Variants in MTOR observed in about 807,000 individuals in gnomAD.
The protein encoded by MTOR is mechanistic target of rapamycin kinase.
Under a neutral mutation model 319.8 loss-of-function variants are expected in MTOR, and 70 were observed. The ratio of observed to expected loss-of-function variants is 0.22; its 90% CI spans 0.18 to 0.27. The LOEUF (loss-of-function observed/expected upper bound fraction) is 0.27. Among genes scored for constraint, MTOR ranks in the 10% least tolerant of loss-of-function variants. The pLI, the probability that MTOR is intolerant of heterozygous loss-of-function variation, is 1.00. For synonymous variants in MTOR, 1,183 were observed against 1,211.4 expected (o/e 0.98, Z 0.49); for missense variants, 1,890 against 3,274.4 (o/e 0.58, Z 10.32).
chr1:11,148,619 G>A (rs1050827951), intron 31 of MTOR, among the ~76,000 whole-genome samples: 6 of 152,062 alleles, frequency 3.9e-5, no homozygotes, highest in Admixed American at 1.3e-4. Context: ...AAAAAAATTA[G>A]GGCCAGGCGC....
At chr1:11,228,983 G>A (rs2100857942) in intron 18 of MTOR, 65 bp from the exon 19 acceptor site, 1 of 1,579,950 alleles carries the variant, frequency 6.3e-7, no homozygotes, top group Non-Finnish European at 8.6e-7. Context: ...GGCAGAGCAT[G>A]GTTAGTAACA....
intron 5 of MTOR, 92 bp downstream of exon 5, chr1:11,255,900 T>C: frequency 8.7e-7 from 1 of 1,154,474 alleles, no homozygotes; most frequent in South Asian, 1.6e-5. Flanking sequence ...TGATTCTTGC[T>C]CCATGGCAAG....
At chr1:11,259,535 A>T in intron 1 of MTOR, 112 bp from the exon 2 acceptor site, 1 of 1,156,942 alleles carries the variant, frequency 8.6e-7, no homozygotes, top group Non-Finnish European at 1.2e-6. Flanking sequence ...CAGGCAGGGG[A>T]TTCTAAAAAG....
chr1:11,193,476 C>T (rs1450993668), intron 28 of MTOR: 19 of 1,022,270 alleles, frequency 1.9e-5, no homozygotes, highest in Non-Finnish European at 2.5e-5. Flanking sequence ...GGAGTGCACA[C>T]ATCTACTGGC....
chr1:11,207,997 T>G (rs1366412832), intron 25 of MTOR, among the ~76,000 whole-genome samples: 1 of 152,142 alleles, frequency 6.6e-6, no homozygotes, highest in Non-Finnish European at 1.5e-5. Context: ...CTGAGGAATT[T>G]CCTAAAATAG....
In MTOR at chr1:11,257,148, C is replaced by T. The variant is rs1650502695; in HGVS notation, c.289G>A (p.Glu97Lys). Reference protein sequence around the residue: ...ILAIASLIGVEGGNATRIGRF... With the variant: ...ILAIASLIGVKGGNATRIGRF... ...CCAATTCGGGTGGCATTCCCACCTT[C>T]CACTCCTATGAGGCTAGCTGCAAAA... The change falls in exon 4 of 58, where the codon GAA becomes AAA. Residue 97 changes from glutamate to lysine, a missense_variant. Glu to Lys is a moderately conservative substitution (Grantham distance 56). Transcript: ENST00000361445. The T allele has an allele frequency of 1.2e-6, 2 of 1,613,120 alleles. No individual in the cohort carries two copies. The highest frequency in any genetic ancestry group is 1.7e-6 in the Non-Finnish European group (2 of 1,179,586).
intron 18 of MTOR, 56 bp from the exon 19 acceptor site, chr1:11,228,974 G>C (rs2100857818): frequency 6.3e-7 from 1 of 1,594,438 alleles, no homozygotes; most frequent in African/African-American, 1.3e-5. Flanking sequence ...GTGACTTCAG[G>C]CAGAGCATGG....
chr1:11,196,436 C>T (rs1417559397), intron 28 of MTOR, among the ~76,000 whole-genome samples: 2 of 152,172 alleles, frequency 1.3e-5, no homozygotes, highest in Non-Finnish European at 2.9e-5. Context: ...TTTGGGATTA[C>T]ATCTCGGATT....
intron 17 of MTOR, 69 bp downstream of exon 17, chr1:11,231,231 C>CT: frequency 6.2e-7 from 1 of 1,602,564 alleles, no homozygotes; most frequent in East Asian, 2.2e-5. Context: ...CATGTTAATG[C>CT]TGCAACCATC....
At chr1:11,259,096 G>C in intron 2 of MTOR, 152 bp downstream of exon 2, 3 of 931,692 alleles carry the variant, frequency 3.2e-6, no homozygotes, top group Non-Finnish European at 4.7e-6. Context: ...AAAAGAACCT[G>C]CATGTTTTAT....
intron 53 of MTOR, among the ~76,000 whole-genome samples, chr1:11,114,033 T>C (rs565795255): frequency 8.5e-5 from 13 of 152,154 alleles, no homozygotes; most frequent in Non-Finnish European, 1.0e-4. Flanking sequence ...CCTCCCACCA[T>C]GATTGTAAGT....
In MTOR at chr1:11,232,564, G is replaced by T. The variant is rs753413289; in HGVS notation, c.2422-36C>A. ...AAAAAGAGGGTGGCAGAAAGGGTTA[G>T]AAATTCTGGCATTAGAAAGTATTTT... On this transcript the variant is annotated intron_variant, in intron 15 of 57. Transcript: ENST00000361445. 4.4e-6 allele frequency: 7 copies of T among 1,573,334 alleles called. No individual in the cohort carries two copies. In the East Asian group the frequency reaches 1.3e-4, roughly 30 times the overall value.
At chr1:11,157,420 G>A (rs1644352866) in intron 29 of MTOR, 129 bp from the exon 30 acceptor site, 13 of 1,200,106 alleles carry the variant, frequency 1.1e-5, no homozygotes, top group Non-Finnish European at 1.3e-5. Flanking sequence ...TTACGTCTGG[G>A]CTTGGATTAA....
intron 19 of MTOR, among the ~76,000 whole-genome samples, chr1:11,223,483 T>C (rs1030398608): frequency 6.6e-6 from 1 of 152,110 alleles, no homozygotes; most frequent in Non-Finnish European, 1.5e-5. Context: ...GGAAAGGCGA[T>C]GGAGGTAAGA....
intron 53 of MTOR, among the ~76,000 whole-genome samples, chr1:11,113,688 A>ACTGTGC (rs986938989): frequency 6.6e-6 from 1 of 152,002 alleles, no homozygotes; most frequent in African/African-American, 2.4e-5. Flanking sequence ...ATCATAGCTC[A>ACTGTGC]CTGTGCCTCA....
chr1:11,192,209 C>A, intron 28 of MTOR: 1 of 1,249,464 alleles, frequency 8.0e-7, no homozygotes, highest in Non-Finnish European at 1.2e-6. Flanking sequence ...AGTCTCTAAA[C>A]ACTCAACTCA....
Position 11,216,214 on chromosome 1 carries a change from T to A in MTOR, c.3051A>T (p.Gly1017=). ...AIREFLFQQL[G]MLVSFVKSHI... ...GGCTCTTCACAAAGGACACCAACAT[T>A]CCCAGCTGCTGGAACAAAAACTGAA... is the stretch of plus-strand genomic sequence containing the variant. The change falls in exon 20 of 58, where the codon GGA becomes GGT. Residue 1017 remains glycine (G), a synonymous_variant. Transcript: ENST00000361445. 6.2e-7 allele frequency: 1 copy of A among 1,614,074 alleles called. No individual in the cohort carries two copies. The highest frequency in any genetic ancestry group is 1.1e-5 in the South Asian group (1 of 91,074).
rs1327887865 is a variant in MTOR, at chr1:11,253,830, G to A, written c.840+9C>T. 4 of 1,613,894 alleles carry A rather than the reference G, an allele frequency of 2.5e-6. No homozygotes were observed. The highest frequency in any genetic ancestry group is 1.3e-5 in the African/African-American group (1 of 74,900). On this transcript the variant is annotated intron_variant, in intron 6 of 57. Transcript: ENST00000361445. ...GGAGCCTGGACTCCCCTCTGCCGTG[G>A]CTTCTCACCTCTCCCTCCATGCTGC...
intron 38 of MTOR, chr1:11,132,230 T>C (rs1289059681): frequency 6.6e-6 from 1 of 152,246 alleles, no homozygotes; most frequent in Non-Finnish European, 1.5e-5. Context: ...ACAACTCTGA[T>C]TAATAAGCTT....
Sources: allele counts gnomAD v4.1 joint callset (sites outside exome capture counted in the v4.1 genomes callset), GRCh38; gene constraint gnomAD v4.1.1; transcripts MANE v1.5; gene names NCBI Gene and HGNC (gene_info 2026-07-23, HGNC 2026-07-21).